RTL4: variants seen among roughly 807,000 people sequenced by gnomAD.
RTL4 encodes retrotransposon Gag-like protein 4.
Under a neutral mutation model 5.3 loss-of-function variants are expected in RTL4, and 4 were observed. That is an observed-to-expected ratio of 0.75 (90% CI 0.37 to 1.72). RTL4 has a LOEUF of 1.72. Ranked by LOEUF, RTL4 falls within the 40% of genes most tolerant of loss-of-function variation. The pLI, the probability that RTL4 is intolerant of heterozygous loss-of-function variation, is 0.04. For missense variants in RTL4, 260 were observed against 227.1 expected, an observed-to-expected ratio of 1.14 and a Z score of -0.93; for synonymous variants, 98 against 87.3, an observed-to-expected ratio of 1.12 and a Z score of -0.68.
the RTL4 span, among the ~76,000 whole-genome samples, chrX:112,285,487 A>T: frequency 8.9e-6 from 1 of 111,756 alleles, no homozygotes; most frequent in African/African-American, 3.2e-5. Flanking sequence ...TTGCATATAT[A>T]GAAGTATTGC....
the RTL4 span, among the ~76,000 whole-genome samples, chrX:112,185,376 A>AATATATATATATATAT: frequency 1.2e-5 from 1 of 85,351 alleles, no homozygotes; most frequent in Non-Finnish European, 2.2e-5. Context: ...CTATTTTATT[A>AATATATATATATATAT]ATATATATAT....
the RTL4 span, among the ~76,000 whole-genome samples, chrX:112,338,668 G>T: frequency 8.9e-6 from 1 of 111,735 alleles, no homozygotes; most frequent in Non-Finnish European, 1.9e-5. Context: ...GAGGCCTGAA[G>T]CATATTAGTG....
the RTL4 span, among the ~76,000 whole-genome samples, chrX:112,307,840 C>T: frequency 9.0e-6 from 1 of 111,661 alleles, no homozygotes; most frequent in African/African-American, 3.2e-5. Flanking sequence ...GATATCTACC[C>T]TCACAATTCC....
the RTL4 span, among the ~76,000 whole-genome samples, chrX:112,385,822 A>T: frequency 8.9e-6 from 1 of 112,198 alleles, no homozygotes; most frequent in Non-Finnish European, 1.9e-5. Flanking sequence ...ATTTTGCTCC[A>T]GATTATGAAA....
the RTL4 span, among the ~76,000 whole-genome samples, chrX:112,392,192 G>C: frequency 3.7e-4 from 41 of 112,238 alleles, no homozygotes; most frequent in Non-Finnish European, 6.4e-4. Flanking sequence ...GCCCCTGGGG[G>C]CTCTGTCCAG....
At chrX:112,424,307 A>G in the RTL4 span, among the ~76,000 whole-genome samples, 1 of 111,864 alleles carries the variant, frequency 8.9e-6, no homozygotes, top group African/African-American at 3.2e-5. Context: ...CTTTAACAGA[A>G]TTATTTCCAC....
chrX:112,095,176 G>T, the RTL4 span, among the ~76,000 whole-genome samples: 2 of 111,436 alleles, frequency 1.8e-5, no homozygotes, highest in Non-Finnish European at 3.8e-5. Flanking sequence ...TATCCACGTG[G>T]ATTCAGATAA....
At chrX:112,191,313 C>T in the RTL4 span, among the ~76,000 whole-genome samples, 1 of 111,549 alleles carries the variant, frequency 9.0e-6, no homozygotes, top group Non-Finnish European at 1.9e-5. Context: ...ACATGTGCCA[C>T]GGACAGAACA....
the RTL4 span, among the ~76,000 whole-genome samples, chrX:112,283,870 C>T: frequency 9.0e-6 from 1 of 110,947 alleles, no homozygotes; most frequent in South Asian, 3.8e-4. Context: ...TCATAACCTG[C>T]TCTTGTGACC....
the RTL4 span, among the ~76,000 whole-genome samples, chrX:112,166,041 G>A: frequency 8.9e-6 from 1 of 112,106 alleles, no homozygotes. Context: ...CCATCCAAAG[G>A]ATCAGTCCTT....
chrX:112,351,580 C>G, the RTL4 span, among the ~76,000 whole-genome samples: 30 of 104,159 alleles, frequency 2.9e-4, no homozygotes, highest in South Asian at 1.2e-3. Context: ...ATTTAGGATA[C>G]TTAGCTCTTC....
the RTL4 span, among the ~76,000 whole-genome samples, chrX:112,267,033 T>A: frequency 8.9e-6 from 1 of 111,856 alleles, no homozygotes; most frequent in Admixed American, 9.5e-5. Context: ...TCTCTTAATC[T>A]CCTGCATCAG....
the RTL4 span, among the ~76,000 whole-genome samples, chrX:112,084,401 CT>C: frequency 1.8e-5 from 2 of 109,371 alleles, no homozygotes; most frequent in Non-Finnish European, 3.8e-5. Flanking sequence ...GAGTTTGTGT[CT>C]GGGGGGAAGG....
chrX:112,291,688 C>T, the RTL4 span, among the ~76,000 whole-genome samples: 31 of 110,429 alleles, frequency 2.8e-4, no homozygotes, highest in African/African-American at 9.2e-4. Context: ...GCTCTGCCTC[C>T]CCGGTTCACG....
the RTL4 span, among the ~76,000 whole-genome samples, chrX:112,355,471 G>C: frequency 9.0e-6 from 1 of 111,355 alleles, no homozygotes; most frequent in Non-Finnish European, 1.9e-5. Context: ...TTTTGAGTTA[G>C]AAAAGGAGAG....
chrX:112,302,437 G>T, the RTL4 span, among the ~76,000 whole-genome samples: 7 of 111,318 alleles, frequency 6.3e-5, no homozygotes, highest in East Asian at 2.0e-3. Flanking sequence ...TTAAATTACA[G>T]ATTTAGGCGG....
the RTL4 span, among the ~76,000 whole-genome samples, chrX:112,269,781 C>A: frequency 8.9e-6 from 1 of 111,859 alleles, no homozygotes; most frequent in African/African-American, 3.2e-5. Context: ...GTCCTCAAGA[C>A]AATTCATTTT....
the RTL4 span, among the ~76,000 whole-genome samples, chrX:112,303,544 G>A: frequency 3.2e-5 from 3 of 92,656 alleles, no homozygotes; most frequent in Non-Finnish European, 6.2e-5. Context: ...ACTCATAGAT[G>A]GGAATTGAAC....
the RTL4 span, among the ~76,000 whole-genome samples, chrX:112,415,562 A>C: frequency 9.0e-6 from 1 of 111,458 alleles, no homozygotes; most frequent in Non-Finnish European, 1.9e-5. Flanking sequence ...TGTATACGTT[A>C]GAAATTACTA....
Sources: gnomAD v4.1 joint callset for allele counts (sites outside exome capture counted in the v4.1 genomes callset) on GRCh38, gnomAD v4.1.1 for gene constraint, MANE v1.5 for transcripts, NCBI Gene and HGNC (gene_info 2026-07-23, HGNC 2026-07-21) for gene names.